HSPA14: variants seen among roughly 807,000 people sequenced by gnomAD.
The protein encoded by HSPA14 is heat shock protein family A (Hsp70) member 14, also known as heat shock 70 kDa protein 14.
HSPA14 carries 37 observed loss-of-function variants against 65.5 expected under a neutral mutation model. That is an observed-to-expected ratio of 0.56 (90% CI 0.43 to 0.74). HSPA14 has a LOEUF of 0.74. Among genes scored for constraint, HSPA14 ranks in the 30% least tolerant of loss-of-function variants. HSPA14 has a pLI of 0.00. For missense variants in HSPA14, 564 were observed against 607.6 expected, an observed-to-expected ratio of 0.93 and a Z score of 0.75; for synonymous variants, 203 against 214.2, an observed-to-expected ratio of 0.95 and a Z score of 0.46.
chr10:14,838,320 T>G lies in HSPA14; in HGVS notation c.-83T>G. The G allele has an allele frequency of 7.2e-7, 1 of 1,382,022 alleles. No individual in the cohort carries two copies. The highest frequency in any genetic ancestry group is 1.2e-5 in the South Asian group (1 of 81,100). 85.6% of individuals were successfully genotyped at this position (1,382,022 alleles called of 1,614,324 possible). A position where few individuals can be genotyped will look rare whatever the true frequency, so the allele number is the denominator to read the frequency against. ...CTGGCGGGAACGTGAAGCTCCGCGGTGCCTGATGGGGCCGTTGGGCGGCCG... is the reference window on the plus strand; with the variant it reads ...CTGGCGGGAACGTGAAGCTCCGCGGGGCCTGATGGGGCCGTTGGGCGGCCG... On this transcript the variant is annotated 5_prime_UTR_variant, in exon 1 of 14. Transcript: ENST00000378372.
At chr10:14,853,951 C>T (rs1834126417) in intron 8 of HSPA14, among the ~76,000 whole-genome samples, 174 bp from the exon 9 acceptor site, 1 of 152,152 alleles carries the variant, frequency 6.6e-6, no homozygotes, top group African/African-American at 2.4e-5. Context: ...AACTCCTGAC[C>T]TCAGGTGATC....
chr10:14,849,316 T>C (rs989662742), intron 5 of HSPA14: 7 of 436,416 alleles, frequency 1.6e-5, no homozygotes, highest in African/African-American at 2.0e-5. Context: ...CTGGAATAGA[T>C]TGTTTATAAG....
At chr10:14,846,983 GT>G (rs1215591333) in intron 3 of HSPA14, 1 of 985,290 alleles carries the variant, frequency 1.0e-6, no homozygotes, top group Non-Finnish European at 1.2e-6. Flanking sequence ...GACAAATAAA[GT>G]TTTCACTTGT....
At chr10:14,865,480 A>G (rs1448349222) in intron 10 of HSPA14, among the ~76,000 whole-genome samples, 1 of 152,114 alleles carries the variant, frequency 6.6e-6, no homozygotes, top group African/African-American at 2.4e-5. Context: ...TCTTTAATCC[A>G]TCTTGAATTA....
intron 12 of HSPA14, 44 bp from the exon 13 acceptor site, chr10:14,870,553 T>C (rs759039335): frequency 1.3e-5 from 21 of 1,555,802 alleles, no homozygotes; most frequent in Non-Finnish European, 1.7e-5. Context: ...AGTTCATTTA[T>C]GTAAAGATGC....
rs1319390151 is a variant in HSPA14, at chr10:14,854,241, C to T, written c.851C>T (p.Ser284Leu). 2 of 1,612,856 alleles carry T rather than the reference C, an allele frequency of 1.2e-6. No homozygotes were observed. Among genetic ancestry groups the T allele is most frequent in the Admixed American group, 1.7e-5 (1 of 59,692 alleles). ...GGAAGTGCCAACTGTTTTCTTGACT[C>T]ATTATATGAAGGTCAAGATTTTGAT... ...TLGSANCFLDSLYEGQDFDCN... is the reference protein window; with the variant it reads ...TLGSANCFLDLLYEGQDFDCN... The change falls in exon 9 of 14, where the codon TCA (serine) becomes TTA (leucine). Residue 284 changes from serine (S) to leucine (L), a missense_variant. Ser to Leu is a moderately radical substitution (Grantham distance 145, BLOSUM62 -2). Coordinates refer to ENST00000378372, the MANE Select transcript of HSPA14 (RefSeq NM_016299.4).
At chr10:14,849,568 C>A in intron 5 of HSPA14, 153 bp from the exon 6 acceptor site, 1 of 703,498 alleles carries the variant, frequency 1.4e-6, no homozygotes, top group Non-Finnish European at 2.6e-6. Context: ...GATTTCAGAG[C>A]GCAGAGAAGA....
chr10:14,870,398 T>A (rs570914935), intron 12 of HSPA14, among the ~76,000 whole-genome samples, 199 bp from the exon 13 acceptor site: 2 of 152,304 alleles, frequency 1.3e-5, no homozygotes, highest in African/African-American at 4.8e-5. Flanking sequence ...GCCCTCCTTC[T>A]GGAGGAAACA....
At chr10:14,854,340 T>A (rs1028303554) in intron 9 of HSPA14, 60 bp downstream of exon 9, 2 of 1,366,908 alleles carry the variant, frequency 1.5e-6, no homozygotes, top group Non-Finnish European at 1.0e-6. Flanking sequence ...TGTTTAGGTA[T>A]AATTTTCTTA....
chr10:14,841,853 C>T (rs1178519135), intron 3 of HSPA14, among the ~76,000 whole-genome samples: 4 of 152,186 alleles, frequency 2.6e-5, no homozygotes, highest in Admixed American at 2.6e-4. Flanking sequence ...CCTCATGGTC[C>T]AGGTGATTTT....
At position 14,867,291 on chromosome 10, in the gene HSPA14, TTAAGG is replaced by T; in HGVS notation, c.1205_1206+3del. On this transcript the variant is annotated splice_donor_variant and coding_sequence_variant, in exon 11 of 14. Transcript: ENST00000378372. LOFTEE classifies it high-confidence loss of function. ...GAGTGTTCAGCCAGAGATATTTTAG[TTAAGG>T]TATGTTTAGCTTTTGTATACTAGTT... is the stretch of plus-strand genomic sequence containing the variant. 6.2e-7 allele frequency: 1 copy of T among 1,609,088 alleles called. No homozygotes were observed. The highest frequency in any genetic ancestry group is 8.5e-7 in the Non-Finnish European group (1 of 1,175,598).
chr10:14,856,687 C>A lies in HSPA14; in HGVS notation c.993+744C>A, dbSNP rs529163402. On this transcript the variant is annotated intron_variant, in intron 10 of 13. Coordinates refer to ENST00000378372, the MANE Select transcript of HSPA14 (RefSeq NM_016299.4). ...GACTAGCCTTGGCAACATAGTGAGACCCTGTCTCTACAAAAAACAAAATTA... is the reference window on the plus strand; with the variant it reads ...GACTAGCCTTGGCAACATAGTGAGAACCTGTCTCTACAAAAAACAAAATTA... Among the ~76,000 whole-genome samples, 39 of 152,016 alleles carry A rather than the reference C, an allele frequency of 2.6e-4. No individual in the cohort carries two copies. The Middle Eastern group carries it at 0.014, about 53-fold the overall frequency.
In HSPA14 at chr10:14,845,448, C is replaced by T. The variant is rs971314852; in HGVS notation, c.222-3161C>T. The T allele has an allele frequency of 2.0e-5, 20 of 985,268 alleles. No individual in the cohort carries two copies. In the South Asian group the frequency reaches 2.3e-4, roughly 12 times the overall value. The allele number at this position is 985,268 out of a possible 1,614,324, so 61.0% of individuals were successfully genotyped here. A position where few individuals can be genotyped will look rare whatever the true frequency, so the allele number is the denominator to read the frequency against. ...GAGCGTACCCAGAACCATGAGTAGA[C>T]GGCAAGCGAGCTGCTCTGCCAAGCC... On this transcript the variant is annotated intron_variant, in intron 3 of 13. Transcript: ENST00000378372.
Position 14,840,058 on chromosome 10 carries a change from ATT to A in HSPA14, c.139-16_139-15del. On this transcript the variant is annotated splice_polypyrimidine_tract_variant and intron_variant, in intron 2 of 13. Coordinates refer to ENST00000378372, the MANE Select transcript of HSPA14 (RefSeq NM_016299.4). ...TACATTGTAATATATATATATATATATTATTTTTTTTTTCAGATTGTTGGATT... is the reference window on the plus strand; with the variant it reads ...TACATTGTAATATATATATATATATAATTTTTTTTTTCAGATTGTTGGATT... The A allele has an allele frequency of 2.5e-6, 3 of 1,184,150 alleles. No individual in the cohort carries two copies. Among genetic ancestry groups the A allele is most frequent in the South Asian group, 1.9e-5 (1 of 52,498 alleles). The allele number at this position is 1,184,150 out of a possible 1,614,324, so 73.4% of individuals were successfully genotyped here.
chr10:14,870,743 A>C (rs1052263733), intron 13 of HSPA14, 76 bp downstream of exon 13: 189 of 1,265,058 alleles, frequency 1.5e-4, no homozygotes, highest in Non-Finnish European at 1.9e-4. Flanking sequence ...TGATTTTTTT[A>C]TTTATTGTCA....
chr10:14,854,279 A>G lies in HSPA14; in HGVS notation c.889A>G (p.Arg297Gly). ...TCAAGATTTTGATTGCAATGTGTCC[A>G]GGTAAAACTGAAGTTCAAAAAACTT... The part of the protein sequence containing the change: ...EGQDFDCNVS[R>G]ARFELLCSPL... The change falls in exon 9 of 14, where the codon AGA becomes GGA. Residue 297 changes from arginine to glycine, a missense_variant and splice_region_variant. Coordinates refer to ENST00000378372, the MANE Select transcript of HSPA14 (RefSeq NM_016299.4). 1 of 1,573,654 alleles carries G rather than the reference A, an allele frequency of 6.4e-7. No individual in the cohort carries two copies. Among genetic ancestry groups the G allele is most frequent in the South Asian group, 1.2e-5 (1 of 85,404 alleles).
chr10:14,869,554 C>A (rs1377505784), intron 12 of HSPA14, among the ~76,000 whole-genome samples: 1 of 152,298 alleles, frequency 6.6e-6, no homozygotes, highest in East Asian at 1.9e-4. Context: ...CTCAGCCTCC[C>A]AAACTGCTGG....
intron 3 of HSPA14, chr10:14,844,775 A>G (rs1406127760): frequency 1.0e-6 from 1 of 984,684 alleles, no homozygotes; most frequent in African/African-American, 1.7e-5. Context: ...TTATATGCCT[A>G]AATTACATCT....
chr10:14,840,204 C>A, intron 3 of HSPA14, 47 bp downstream of exon 3: 3 of 945,030 alleles, frequency 3.2e-6, no homozygotes, highest in South Asian at 2.7e-5. Flanking sequence ...GGAACATGTT[C>A]ATAAATTCTA....
Sources: allele counts gnomAD v4.1 joint callset (sites outside exome capture counted in the v4.1 genomes callset), GRCh38; gene constraint gnomAD v4.1.1; transcripts MANE v1.5; gene names NCBI Gene and HGNC (gene_info 2026-07-23, HGNC 2026-07-21).